Variants in CNTN5 observed in about 807,000 individuals in gnomAD.
CNTN5 encodes the protein contactin 5.
Under a neutral mutation model 129.1 loss-of-function variants are expected in CNTN5, and 77 were observed. The ratio of observed to expected loss-of-function variants is 0.60; its 90% CI spans 0.50 to 0.72. The LOEUF is 0.72. Ranked by LOEUF, CNTN5 falls within the 30% of genes least tolerant of loss-of-function variation. The probability of loss-of-function intolerance (pLI) is 0.00; values close to 1 mark genes in which losing one functional copy is unlikely to be tolerated. For missense variants in CNTN5, 1,478 were observed against 1,328.8 expected, an observed-to-expected ratio of 1.11 and a Z score of -1.75; for synonymous variants, 509 against 465.6, an observed-to-expected ratio of 1.09 and a Z score of -1.20.
intron 18 of CNTN5, among the ~76,000 whole-genome samples, chr11:100,283,317 T>A (rs1443736681): frequency 6.6e-6 from 1 of 152,114 alleles, no homozygotes; most frequent in African/African-American, 2.4e-5. Flanking sequence ...GAAAAAGTTC[T>A]CCCCACTCTT....
chr11:99,210,759 A>G (rs1161957051), intron 1 of CNTN5, among the ~76,000 whole-genome samples: 1 of 152,150 alleles, frequency 6.6e-6, no homozygotes, highest in African/African-American at 2.4e-5. Flanking sequence ...TAATGTGATT[A>G]CATGTTATTT....
intron 2 of CNTN5, among the ~76,000 whole-genome samples, chr11:99,531,087 C>T (rs1261712227): frequency 6.6e-6 from 1 of 152,146 alleles, no homozygotes; most frequent in Non-Finnish European, 1.5e-5. Flanking sequence ...TTTGGAACTT[C>T]CTAGAGACTT....
At chr11:99,982,970 T>C (rs1225178672) in intron 8 of CNTN5, among the ~76,000 whole-genome samples, 1 of 152,278 alleles carries the variant, frequency 6.6e-6, no homozygotes, top group Admixed American at 6.5e-5. Flanking sequence ...GAGAGAAACC[T>C]GTGGACCATG....
chr11:100,253,603 C>T (rs1950013621), intron 16 of CNTN5, among the ~76,000 whole-genome samples: 1 of 152,072 alleles, frequency 6.6e-6, no homozygotes, highest in African/African-American at 2.4e-5. Flanking sequence ...ATATTCTTCT[C>T]ACTATTAAAT....
At chr11:99,064,921 T>C (rs188591003) in intron 1 of CNTN5, among the ~76,000 whole-genome samples, 2 of 152,084 alleles carry the variant, frequency 1.3e-5, no homozygotes, top group Admixed American at 1.3e-4. Flanking sequence ...CATGTATAAA[T>C]GTTAATTTAG....
intron 2 of CNTN5, among the ~76,000 whole-genome samples, chr11:99,366,947 T>C (rs1939483917): frequency 6.6e-6 from 1 of 152,340 alleles, no homozygotes; most frequent in South Asian, 2.1e-4. Context: ...TGCTGTCATA[T>C]TGTGATATCG....
intron 6 of CNTN5, among the ~76,000 whole-genome samples, chr11:99,861,442 G>A (rs899384986): frequency 5.3e-5 from 8 of 152,086 alleles, no homozygotes; most frequent in African/African-American, 1.2e-4. Flanking sequence ...TGATTATGCC[G>A]ATACAATGAT....
intron 1 of CNTN5, among the ~76,000 whole-genome samples, chr11:99,287,749 A>T (rs1401322658): frequency 6.6e-6 from 1 of 152,074 alleles, no homozygotes; most frequent in Non-Finnish European, 1.5e-5. Context: ...ATATAAGGAC[A>T]TTAATACTTT....
intron 15 of CNTN5, among the ~76,000 whole-genome samples, chr11:100,214,507 A>G (rs1039508467): frequency 7.2e-5 from 11 of 152,194 alleles, no homozygotes; most frequent in Non-Finnish European, 1.5e-4. Context: ...TTCATCCATG[A>G]TGAATAATGT....
chr11:99,815,788 C>A (rs1278193111), intron 3 of CNTN5, among the ~76,000 whole-genome samples: 1 of 152,126 alleles, frequency 6.6e-6, no homozygotes, highest in Non-Finnish European at 1.5e-5. Flanking sequence ...ATAACTGAAT[C>A]CACTTTCTCT....
chr11:99,688,320 G>T (rs1226507940), intron 3 of CNTN5, among the ~76,000 whole-genome samples: 5 of 152,102 alleles, frequency 3.3e-5, no homozygotes, highest in African/African-American at 1.2e-4. Context: ...GGGATTACAG[G>T]TGTGAAGCCA....
At chr11:99,941,499 T>G (rs1950434256) in intron 7 of CNTN5, among the ~76,000 whole-genome samples, 1 of 149,986 alleles carries the variant, frequency 6.7e-6, no homozygotes, top group Non-Finnish European at 1.5e-5. Context: ...TAAAACATAG[T>G]CAAGATTTCT....
At chr11:99,825,926 G>GA (rs1379060901) in intron 4 of CNTN5, among the ~76,000 whole-genome samples, 3 of 152,050 alleles carry the variant, frequency 2.0e-5, no homozygotes, top group African/African-American at 7.2e-5. Context: ...TAATTTCAGA[G>GA]AAAATACAAC....
At chr11:99,987,585 G>A (rs1828859570) in intron 8 of CNTN5, among the ~76,000 whole-genome samples, 1 of 150,808 alleles carries the variant, frequency 6.6e-6, no homozygotes, top group Admixed American at 6.6e-5. Flanking sequence ...AGAGAGAGAG[G>A]AAAGAGATTA....
At chr11:99,934,993 C>T (rs1950282976) in intron 7 of CNTN5, among the ~76,000 whole-genome samples, 1 of 142,454 alleles carries the variant, frequency 7.0e-6, no homozygotes, top group Admixed American at 7.1e-5. Flanking sequence ...ATACAAATTA[C>T]AAATGTTTAT....
chr11:99,968,978 A>C (rs1181863606), intron 8 of CNTN5, among the ~76,000 whole-genome samples: 1 of 152,024 alleles, frequency 6.6e-6, no homozygotes, highest in Non-Finnish European at 1.5e-5. Flanking sequence ...TCTTGATATA[A>C]AAATTTAAAT....
chr11:99,879,237 C>T (rs554793772), intron 6 of CNTN5, among the ~76,000 whole-genome samples: 1 of 152,118 alleles, frequency 6.6e-6, no homozygotes, highest in Non-Finnish European at 1.5e-5. Flanking sequence ...CGTGCCTGGC[C>T]AGTGAAGATA....
intron 1 of CNTN5, among the ~76,000 whole-genome samples, chr11:99,138,059 C>G (rs911695681): frequency 1.3e-5 from 2 of 152,110 alleles, no homozygotes; most frequent in Non-Finnish European, 2.9e-5. Context: ...AAGTTTTTAG[C>G]TGATTTCTTT....
chr11:100,021,340 T>A (rs1009133952), intron 9 of CNTN5, among the ~76,000 whole-genome samples: 1 of 152,186 alleles, frequency 6.6e-6, no homozygotes, highest in African/African-American at 2.4e-5. Context: ...GTTGGTTGAA[T>A]GTGTTGCTCA....
Sources: gnomAD v4.1 joint callset for allele counts (sites outside exome capture counted in the v4.1 genomes callset) on GRCh38, gnomAD v4.1.1 for gene constraint, MANE v1.5 for transcripts, NCBI Gene and HGNC (gene_info 2026-07-23, HGNC 2026-07-21) for gene names.